Variants in RABGAP1L observed in about 807,000 individuals in gnomAD.
The protein encoded by RABGAP1L is RAB GTPase activating protein 1 like, also known as rab GTPase-activating protein 1-like.
Under a neutral mutation model 137.7 loss-of-function variants are expected in RABGAP1L, and 63 were observed. The observed-to-expected ratio is 0.46, with a 90% confidence interval of 0.37 to 0.56. RABGAP1L has a LOEUF of 0.56. Among genes scored for constraint, RABGAP1L ranks in the 20% least tolerant of loss-of-function variants. The pLI, the probability that RABGAP1L is intolerant of heterozygous loss-of-function variation, is 0.00. For synonymous variants in RABGAP1L, 431 were observed against 433.7 expected (o/e 0.99, Z 0.08); for missense variants, 1,095 against 1,244.0 (o/e 0.88, Z 1.80).
At chr1:174,961,930 G>C (rs886719365) in intron 20 of RABGAP1L, among the ~76,000 whole-genome samples, 1 of 151,142 alleles carries the variant, frequency 6.6e-6, no homozygotes, top group Non-Finnish European at 1.5e-5. Context: ...GCAGAGGTGG[G>C]CAGATCACAA....
At chr1:174,623,334 A>C (rs1672683884) in intron 13 of RABGAP1L, among the ~76,000 whole-genome samples, 1 of 152,162 alleles carries the variant, frequency 6.6e-6, no homozygotes, top group African/African-American at 2.4e-5. Context: ...AGTTAGGGAG[A>C]ACACAATCCA....
chr1:174,877,396 G>A lies in RABGAP1L; in HGVS notation c.2340+65436G>A, dbSNP rs189886979. Reference sequence around the variant, plus strand: ...ACTCCACCCCCTCGAACTCAGGTGGGTGTGTACACTGGCACTGAGCTGCAG... The same window carrying A: ...ACTCCACCCCCTCGAACTCAGGTGGATGTGTACACTGGCACTGAGCTGCAG... On this transcript the variant is annotated intron_variant, in intron 19 of 25. Coordinates refer to ENST00000681986, the MANE Select transcript of RABGAP1L (RefSeq NM_001366446.1). 5.8e-4 allele frequency: 908 copies of A among 1,574,182 alleles called. 2 individuals carry two copies. Among genetic ancestry groups the A allele is most frequent in the Admixed American group, 7.4e-4 (40 of 53,704 alleles).
At chr1:174,825,797 A>G (rs1691507774) in intron 19 of RABGAP1L, among the ~76,000 whole-genome samples, 2 of 152,314 alleles carry the variant, frequency 1.3e-5, no homozygotes, top group Middle Eastern at 6.8e-3. Flanking sequence ...AGGCTGAGGC[A>G]GGAGAATCGC....
intron 13 of RABGAP1L, among the ~76,000 whole-genome samples, chr1:174,424,881 C>T (rs1651778684): frequency 6.6e-6 from 1 of 151,816 alleles, no homozygotes; most frequent in Non-Finnish European, 1.5e-5. Context: ...ACAATTGGAT[C>T]CAAATTTTTT....
intron 13 of RABGAP1L, among the ~76,000 whole-genome samples, chr1:174,552,749 GT>G (rs1666635634): frequency 6.6e-6 from 1 of 152,146 alleles, no homozygotes; most frequent in Non-Finnish European, 1.5e-5. Flanking sequence ...TCAGTAATGG[GT>G]TTGCTGAGTC....
intron 19 of RABGAP1L, among the ~76,000 whole-genome samples, chr1:174,880,500 G>A (rs1654005974): frequency 6.6e-6 from 1 of 151,816 alleles, no homozygotes; most frequent in African/African-American, 2.4e-5. Context: ...GATCTTGAGA[G>A]GACCATCATA....
At chr1:174,187,669 A>C (rs1305492483) in intron 1 of RABGAP1L, among the ~76,000 whole-genome samples, 1 of 152,152 alleles carries the variant, frequency 6.6e-6, no homozygotes, top group Non-Finnish European at 1.5e-5. Flanking sequence ...TTTTTAAAAC[A>C]TGGGGGCAAT....
chr1:174,752,985 T>C (rs1471422897), intron 18 of RABGAP1L, among the ~76,000 whole-genome samples: 1 of 152,212 alleles, frequency 6.6e-6, no homozygotes, highest in Non-Finnish European at 1.5e-5. Context: ...ATTCTGATAT[T>C]AAAGGCAATA....
chr1:174,863,344 A>G (rs1423605576), intron 19 of RABGAP1L, among the ~76,000 whole-genome samples: 4 of 151,700 alleles, frequency 2.6e-5, no homozygotes, highest in Admixed American at 1.3e-4. Context: ...ATCTTTTCTA[A>G]CAGAATACCC....
At chr1:174,167,600 T>C (rs1376451302) in intron 1 of RABGAP1L, among the ~76,000 whole-genome samples, 1 of 152,200 alleles carries the variant, frequency 6.6e-6, no homozygotes, top group African/African-American at 2.4e-5. Context: ...AAGGCAAGTA[T>C]GGAATTCATT....
At chr1:174,717,320 G>C (rs1471187443) in intron 17 of RABGAP1L, among the ~76,000 whole-genome samples, 1 of 152,122 alleles carries the variant, frequency 6.6e-6, no homozygotes, top group Non-Finnish European at 1.5e-5. Context: ...TGAGGCAGAG[G>C]ATCGCTTGAG....
chr1:174,348,536 G>A (rs1431832929), intron 11 of RABGAP1L, among the ~76,000 whole-genome samples: 1 of 141,806 alleles, frequency 7.1e-6, no homozygotes, highest in Admixed American at 7.0e-5. Flanking sequence ...TGGGACAATA[G>A]TGGAGGGAAG....
chr1:174,304,660 A>C (rs1678029205), intron 10 of RABGAP1L, among the ~76,000 whole-genome samples: 2 of 152,174 alleles, frequency 1.3e-5, no homozygotes, highest in Admixed American at 1.3e-4. Context: ...TAAGGTAGTC[A>C]GTTAAGAGTC....
chr1:174,983,252 G>A (rs188985569), intron 24 of RABGAP1L, among the ~76,000 whole-genome samples: 472 of 151,808 alleles, frequency 3.1e-3, no homozygotes, highest in Non-Finnish European at 5.8e-3. Context: ...GCTTCAGTAT[G>A]GGACTCAGTA....
intron 5 of RABGAP1L, among the ~76,000 whole-genome samples, chr1:174,243,528 T>A (rs1337576298): frequency 6.6e-6 from 1 of 152,162 alleles, no homozygotes; most frequent in Non-Finnish European, 1.5e-5. Flanking sequence ...AAAAAAATTT[T>A]AAAAATCCTC....
At chr1:174,885,884 G>A (rs1247543024) in intron 19 of RABGAP1L, among the ~76,000 whole-genome samples, 1 of 151,720 alleles carries the variant, frequency 6.6e-6, no homozygotes, top group South Asian at 2.1e-4. Context: ...GGAGAATGGC[G>A]TGAACCTGGG....
chr1:174,893,941 G>T (rs145949432), intron 19 of RABGAP1L, among the ~76,000 whole-genome samples: 1 of 152,150 alleles, frequency 6.6e-6, no homozygotes, highest in African/African-American at 2.4e-5. Flanking sequence ...CTAGGGAAGT[G>T]CATTAAGGTA....
chr1:174,292,329 CTTTT>C (rs61636433), intron 10 of RABGAP1L, among the ~76,000 whole-genome samples: 2,864 of 50,694 alleles, frequency 0.056, 139 homozygotes, highest in African/African-American at 0.21. Flanking sequence ...CCTACCTAAT[CTTTT>C]TTTTTTTTTT....
chr1:174,878,418 G>A (rs556668936), intron 19 of RABGAP1L, among the ~76,000 whole-genome samples: 2 of 152,158 alleles, frequency 1.3e-5, no homozygotes, highest in East Asian at 3.9e-4. Flanking sequence ...TAGAGATGGG[G>A]TTTCTCCATG....
Sources: gnomAD v4.1 joint callset for allele counts (sites outside exome capture counted in the v4.1 genomes callset) on GRCh38, gnomAD v4.1.1 for gene constraint, MANE v1.5 for transcripts, NCBI Gene and HGNC (gene_info 2026-07-23, HGNC 2026-07-21) for gene names.